Variants in NFAT5 observed in about 807,000 individuals in gnomAD.
The protein encoded by NFAT5 is nuclear factor of activated T cells 5, also known as nuclear factor of activated T-cells 5.
NFAT5 carries 31 observed loss-of-function variants against 166.5 expected under a neutral mutation model. The observed-to-expected ratio is 0.19, with a 90% confidence interval of 0.14 to 0.25. The LOEUF (loss-of-function observed/expected upper bound fraction) is 0.25. Among genes scored for constraint, NFAT5 ranks in the 10% least tolerant of loss-of-function variants. The pLI is 1.00. For missense variants in NFAT5, 1,449 were observed against 1,821.8 expected, an observed-to-expected ratio of 0.80 and a Z score of 3.72; for synonymous variants, 612 against 639.7, an observed-to-expected ratio of 0.96 and a Z score of 0.65.
intron 2 of NFAT5, among the ~76,000 whole-genome samples, chr16:69,587,612 C>T (rs1051656333): frequency 3.3e-5 from 5 of 151,750 alleles, no homozygotes; most frequent in African/African-American, 1.2e-4. Flanking sequence ...TGGTCTTGAA[C>T]TCCTGACCTT....
At chr16:69,623,333 G>GCTTTTTTTTT (rs2034287500) in intron 2 of NFAT5, among the ~76,000 whole-genome samples, 1 of 141,974 alleles carries the variant, frequency 7.0e-6, no homozygotes, top group Non-Finnish European at 1.5e-5. Context: ...TTTGCTAAAG[G>GCTTTTTTTTT]CTTTTTTTTT....
chr16:69,607,395 A>G (rs900037636), intron 2 of NFAT5, among the ~76,000 whole-genome samples: 7 of 152,250 alleles, frequency 4.6e-5, no homozygotes, highest in African/African-American at 1.7e-4. Context: ...TAATGCAAAA[A>G]AAGAGAGATT....
intron 11 of NFAT5, among the ~76,000 whole-genome samples, chr16:69,688,821 G>A (rs1284306065): frequency 6.6e-6 from 1 of 152,162 alleles, no homozygotes; most frequent in Non-Finnish European, 1.5e-5. Context: ...CCTTCACAGA[G>A]CTCATGATCT....
intron 7 of NFAT5, among the ~76,000 whole-genome samples, chr16:69,667,344 A>C (rs1437099954): frequency 6.6e-6 from 1 of 152,142 alleles, no homozygotes; most frequent in Non-Finnish European, 1.5e-5. Flanking sequence ...TTAAAAAAAA[A>C]ACTTTACAAG....
At chr16:69,601,124 T>G (rs1023216099) in intron 2 of NFAT5, among the ~76,000 whole-genome samples, 2 of 152,058 alleles carry the variant, frequency 1.3e-5, no homozygotes, top group Admixed American at 6.6e-5. Context: ...CTTAAGCACT[T>G]AAACATTTTT....
Position 69,647,625 on chromosome 16 carries a change from G to A in NFAT5, c.812+39G>A, listed in dbSNP as rs754045650. 30 of 1,493,914 alleles carry A rather than the reference G, an allele frequency of 2.0e-5. No individual in the cohort carries two copies. The Middle Eastern group carries it at 5.3e-4, about 27-fold the overall frequency. The allele number at this position is 1,493,914 out of a possible 1,614,324, so 92.5% of individuals were successfully genotyped here. On this transcript the variant is annotated intron_variant, in intron 4 of 14. Coordinates refer to ENST00000349945, the MANE Select transcript of NFAT5 (RefSeq NM_138713.4). This position sits in a 1 kb window ranked among gnomAD's most constrained non-coding sequence, Gnocchi z 4.8. ...TTTTTTAAAATTCTATCATCATTAT[G>A]CAAAACAAACAAACAAAAAAAATTC...
At chr16:69,654,040 G>A (rs1180084646) in intron 5 of NFAT5, among the ~76,000 whole-genome samples, 1 of 151,976 alleles carries the variant, frequency 6.6e-6, no homozygotes, top group African/African-American at 2.4e-5. Flanking sequence ...AAGAAATGAG[G>A]TATCAATTGA....
At chr16:69,652,456 A>T (rs1424871220) in intron 4 of NFAT5, among the ~76,000 whole-genome samples, 1 of 151,564 alleles carries the variant, frequency 6.6e-6, no homozygotes, top group African/African-American at 2.4e-5. Flanking sequence ...CATCTCAGAA[A>T]AAAAAAAAAA....
At chr16:69,610,923 A>G (rs1203825313) in intron 2 of NFAT5, among the ~76,000 whole-genome samples, 2 of 152,008 alleles carry the variant, frequency 1.3e-5, no homozygotes, top group East Asian at 3.9e-4. Context: ...ATGTGCTTTC[A>G]GTCAACCTCA....
At chr16:69,599,194 A>G (rs955044316) in intron 2 of NFAT5, among the ~76,000 whole-genome samples, 2 of 141,866 alleles carry the variant, frequency 1.4e-5, no homozygotes, top group Non-Finnish European at 3.0e-5. Context: ...AGTAGTAATG[A>G]CTACATAACT....
intron 2 of NFAT5, among the ~76,000 whole-genome samples, chr16:69,589,159 TA>T (rs1278364060): frequency 6.6e-6 from 1 of 151,160 alleles, no homozygotes; most frequent in East Asian, 1.9e-4. Flanking sequence ...CACGCCCGGC[TA>T]ATTTTGTATT....
At position 69,655,794 on chromosome 16, in the gene NFAT5, A is replaced by G. The variant is rs1567579972; in HGVS notation, c.1191A>G (p.Thr397=). The G allele has an allele frequency of 6.2e-7, 1 of 1,611,794 alleles. No homozygotes were observed. The highest frequency in any genetic ancestry group is 8.5e-7 in the Non-Finnish European group (1 of 1,178,558). ...GCCTTGATCCTAGCAACAACATGAC[A>G]CTGGCGTAAGTACTTAGTAAGAATT... ...EVGLDPSNNM[T]LAVDCVGILK... Residue 397 remains threonine, a synonymous_variant, in exon 6 of 15, where the codon ACA becomes ACG. Transcript: ENST00000349945.
At chr16:69,652,221 G>GCGGGAGGATCACCTGAGGT (rs1245506498) in intron 4 of NFAT5, among the ~76,000 whole-genome samples, 2 of 152,070 alleles carry the variant, frequency 1.3e-5, no homozygotes, top group Admixed American at 1.3e-4. Flanking sequence ...GGAGACTGAG[G>GCGGGAGGATCACCTGAGGT]CGGGAGGATC....
At position 69,623,869 on chromosome 16, in the gene NFAT5, A is replaced by G. The variant is rs538819460; in HGVS notation, c.128-2534A>G. ...AGGAAATTTGAAAAAAAAAAAAAAAAGAAACAGATTCAATAAAAAGAGAAG... is the reference window on the plus strand; with the variant it reads ...AGGAAATTTGAAAAAAAAAAAAAAAGGAAACAGATTCAATAAAAAGAGAAG... On this transcript the variant is annotated intron_variant, in intron 2 of 14. Coordinates refer to ENST00000349945, the MANE Select transcript of NFAT5 (RefSeq NM_138713.4). Among the ~76,000 whole-genome samples the G allele has an allele frequency of 2.1e-4, 29 of 140,610 alleles. No individual in the cohort carries two copies. In the South Asian group the frequency reaches 6.4e-3, roughly 31 times the overall value. 92.2% of individuals were successfully genotyped at this position (140,610 alleles called of 152,430 possible).
intron 11 of NFAT5, chr16:69,685,196 T>A (rs980596352): frequency 7.6e-4 from 119 of 156,500 alleles, no homozygotes; most frequent in Middle Eastern, 3.2e-3. Flanking sequence ...ATATATTTTT[T>A]TTTTTAAGTA....
intron 10 of NFAT5, among the ~76,000 whole-genome samples, chr16:69,682,970 G>C (rs1414089665): frequency 6.6e-6 from 1 of 152,122 alleles, no homozygotes; most frequent in Non-Finnish European, 1.5e-5. Flanking sequence ...CCAGCACTTT[G>C]GGAGACCGAG....
chr16:69,673,692 C>G (rs901466022), intron 9 of NFAT5, among the ~76,000 whole-genome samples: 1 of 151,954 alleles, frequency 6.6e-6, no homozygotes, highest in Non-Finnish European at 1.5e-5. Context: ...CACTGCACTT[C>G]CACGTGGGTG....
At chr16:69,649,296 AT>A in intron 4 of NFAT5, 1 of 963,604 alleles carries the variant, frequency 1.0e-6, no homozygotes, top group Non-Finnish European at 1.2e-6. Context: ...CAGAAGATAA[AT>A]TTTCATTTTT....
At chr16:69,568,648 C>A in intron 2 of NFAT5, 100 bp downstream of exon 2, 1 of 902,432 alleles carries the variant, frequency 1.1e-6, no homozygotes, top group African/African-American at 1.7e-5. Flanking sequence ...CAAACTCACA[C>A]AATGTAGTTT....
Sources: allele counts gnomAD v4.1 joint callset (sites outside exome capture counted in the v4.1 genomes callset), GRCh38; gene constraint gnomAD v4.1.1; non-coding constraint Gnocchi (gnomAD v3.1); transcripts MANE v1.5; gene names NCBI Gene and HGNC (gene_info 2026-07-23, HGNC 2026-07-21).